QTGAL: variants seen among roughly 807,000 people sequenced by gnomAD.
QTGAL encodes queuosine-tRNA galactosyltransferase, also known as BGnT-like protein 1.
At chr17:83,051,767 G>T in the QTGAL span, 2 of 1,496,304 alleles carry the variant, frequency 1.3e-6, no homozygotes. Flanking sequence ...GGCTCTCCTC[G>T]GACGCCCCGC....
At chr17:82,942,525 G>A in the QTGAL span, 1 of 1,612,252 alleles carries the variant, frequency 6.2e-7, no homozygotes, top group Non-Finnish European at 8.5e-7. Context: ...CCTGAGGGAG[G>A]CCGGTGTGGA....
chr17:82,998,929 G>A, the QTGAL span, among the ~76,000 whole-genome samples: 1 of 149,660 alleles, frequency 6.7e-6, no homozygotes, highest in Non-Finnish European at 1.5e-5. Flanking sequence ...ATCACCACGA[G>A]ATACCACTAC....
At chr17:83,043,111 G>C in the QTGAL span, among the ~76,000 whole-genome samples, 1 of 150,546 alleles carries the variant, frequency 6.6e-6, no homozygotes, top group South Asian at 2.1e-4. Context: ...TTCAATAATG[G>C]AGAGAACATC....
the QTGAL span, chr17:82,957,136 AG>A: frequency 1.4e-5 from 22 of 1,610,356 alleles, no homozygotes; most frequent in Non-Finnish European, 1.8e-5. Flanking sequence ...TCAGCCCCGG[AG>A]CAGGTGGTTG....
chr17:82,949,906 T>C, the QTGAL span: 1 of 152,184 alleles, frequency 6.6e-6, no homozygotes, highest in Admixed American at 6.5e-5. Flanking sequence ...CGTGGGGATT[T>C]GGAGGTGTGG....
At chr17:83,034,807 G>A in the QTGAL span, among the ~76,000 whole-genome samples, 1 of 152,300 alleles carries the variant, frequency 6.6e-6, no homozygotes, top group Admixed American at 6.5e-5. Flanking sequence ...GCGACTGTGA[G>A]ACCTGCCCGG....
the QTGAL span, chr17:83,048,427 G>A: frequency 6.6e-7 from 1 of 1,519,684 alleles, no homozygotes; most frequent in Non-Finnish European, 9.1e-7. Flanking sequence ...AAGTTGATAA[G>A]AAACCACGAA....
chr17:83,023,319 C>T, the QTGAL span, among the ~76,000 whole-genome samples: 6,610 of 81,852 alleles, frequency 0.081, 22 homozygotes, highest in East Asian at 0.13. Context: ...CTGTCCCCGC[C>T]CCACCTGCAC....
At chr17:82,987,702 T>C in the QTGAL span, among the ~76,000 whole-genome samples, 4 of 152,132 alleles carry the variant, frequency 2.6e-5, no homozygotes, top group Admixed American at 6.6e-5. Flanking sequence ...AGTCAGGGAG[T>C]GTGATGTCTC....
the QTGAL span, among the ~76,000 whole-genome samples, chr17:82,999,393 G>T: frequency 1.3e-5 from 2 of 152,184 alleles, no homozygotes; most frequent in Admixed American, 6.5e-5. Context: ...TAAACAAATT[G>T]TACATCCACA....
At chr17:83,018,677 T>A in the QTGAL span, among the ~76,000 whole-genome samples, 1 of 152,236 alleles carries the variant, frequency 6.6e-6, no homozygotes, top group East Asian at 1.9e-4. Flanking sequence ...AGGAACTCAC[T>A]TAACAGCCAA....
the QTGAL span, among the ~76,000 whole-genome samples, chr17:83,010,019 C>T: frequency 1.6e-5 from 2 of 124,718 alleles, no homozygotes; most frequent in Non-Finnish European, 3.4e-5. Context: ...CTGTGGGGGC[C>T]CCTGGTGTGG....
At chr17:82,957,343 G>C in the QTGAL span, 1 of 1,613,672 alleles carries the variant, frequency 6.2e-7, no homozygotes, top group South Asian at 1.1e-5. Context: ...GTGTTGGAGG[G>C]TGGCAGGATG....
chr17:83,013,590 G>A, the QTGAL span, among the ~76,000 whole-genome samples: 1 of 151,594 alleles, frequency 6.6e-6, no homozygotes, highest in Non-Finnish European at 1.5e-5. Flanking sequence ...GCGCCGTGTG[G>A]GCCAGACCCT....
At chr17:83,004,998 G>C in the QTGAL span, 1 of 767,272 alleles carries the variant, frequency 1.3e-6, no homozygotes, top group Non-Finnish European at 2.1e-6. Flanking sequence ...GTGAAGGCGA[G>C]GACAGAAGGA....
chr17:82,993,220 C>T, the QTGAL span, among the ~76,000 whole-genome samples: 2 of 151,974 alleles, frequency 1.3e-5, no homozygotes, highest in Non-Finnish European at 2.9e-5. Flanking sequence ...CTGTTGCCTA[C>T]AAGAAACACA....
At chr17:82,974,004 G>A in the QTGAL span, among the ~76,000 whole-genome samples, 1 of 152,172 alleles carries the variant, frequency 6.6e-6, no homozygotes, top group Non-Finnish European at 1.5e-5. Flanking sequence ...CATGGGGCGC[G>A]TTTCACCGTG....
At chr17:83,005,288 C>T in the QTGAL span, 1 of 1,218,766 alleles carries the variant, frequency 8.2e-7, no homozygotes, top group Non-Finnish European at 1.2e-6. The surrounding 1 kb of genome is among the most constrained non-coding windows in gnomAD (Gnocchi z 5.6). Context: ...GTGTATTCAT[C>T]TCACATGTTT....
At chr17:83,030,064 C>T in the QTGAL span, among the ~76,000 whole-genome samples, 20 of 152,210 alleles carry the variant, frequency 1.3e-4, no homozygotes, top group Non-Finnish European at 2.2e-4. Context: ...ACGGGCCACG[C>T]GTGAACAAAT....
Sources: gnomAD v4.1 joint callset for allele counts (sites outside exome capture counted in the v4.1 genomes callset) on GRCh38, gnomAD v4.1.1 for gene constraint, Gnocchi (gnomAD v3.1) non-coding constraint, MANE v1.5 for transcripts, NCBI Gene and HGNC (gene_info 2026-07-23, HGNC 2026-07-21) for gene names.